IL18RAP: variants seen among roughly 807,000 people sequenced by gnomAD.
IL18RAP encodes the protein interleukin 18 receptor accessory protein.
IL18RAP carries 37 observed loss-of-function variants against 58.1 expected under a neutral mutation model. The observed-to-expected ratio is 0.64, with a 90% confidence interval of 0.49 to 0.84. The LOEUF (loss-of-function observed/expected upper bound fraction) is 0.84, where lower values mean the gene tolerates loss of function less well. Ranked by LOEUF, IL18RAP falls within the 40% of genes least tolerant of loss-of-function variation. IL18RAP has a pLI of 0.00. For missense variants in IL18RAP, 667 were observed against 704.8 expected (o/e 0.95, Z 0.61); for synonymous variants, 268 against 257.5 (o/e 1.04, Z -0.39).
At chr2:102,431,616 C>A (rs114763561) in intron 3 of IL18RAP, among the ~76,000 whole-genome samples, 1 of 151,798 alleles carries the variant, frequency 6.6e-6, no homozygotes, top group Admixed American at 6.6e-5. Context: ...GCTCCTCTGA[C>A]TAGATAATTT....
intron 5 of IL18RAP, among the ~76,000 whole-genome samples, chr2:102,442,404 A>C (rs990218497): frequency 6.6e-6 from 1 of 152,194 alleles, no homozygotes; most frequent in Admixed American, 6.5e-5. Context: ...ACTAGATGGC[A>C]GGAGTGGTGT....
chr2:102,424,249 C>T lies in IL18RAP; in HGVS notation c.414C>T (p.Ala138=), dbSNP rs769924803. 4 of 1,613,920 alleles carry T rather than the reference C, an allele frequency of 2.5e-6. No individual in the cohort carries two copies. The Admixed American group carries it at 6.7e-5, about 27-fold the overall frequency. The change falls in exon 3 of 10, where the codon GCC becomes GCT. Residue 138 remains alanine (A), a synonymous_variant. Transcript: ENST00000687160. The part of the protein sequence containing the change: ...PKMIKSPYDV[A]CCVKMILEVK... ...TTCCTAGGAGCCCCTATGATGTAGC[C>T]TGTTGTGTCAAGATGATTTTAGAAG...
intron 6 of IL18RAP, among the ~76,000 whole-genome samples, chr2:102,443,816 G>A (rs1683253980): frequency 1.3e-5 from 2 of 152,202 alleles, no homozygotes; most frequent in African/African-American, 4.8e-5. Flanking sequence ...AGGCTCAGAG[G>A]AGGGCTCTCT....
Position 102,450,975 on chromosome 2 carries a change from T to A in IL18RAP, c.1338T>A (p.Tyr446Ter). The A allele has an allele frequency of 6.2e-7, 1 of 1,611,922 alleles. No homozygotes were observed. The highest frequency in any genetic ancestry group is 8.5e-7 in the Non-Finnish European group (1 of 1,179,130). ...SLFPDVLENK[Y>*]GYSLCLLERD... ...TTCCTGATGTTTTAGAAAACAAATA[T>A]GGATATAGCCTGTGTTTGCTTGAAA... Residue 446 changes from tyrosine (Y) to a stop codon, truncating the protein, a stop_gained, in exon 9 of 10, where the codon TAT (tyrosine) becomes TAA (stop). Coordinates refer to ENST00000687160, the MANE Select transcript of IL18RAP (RefSeq NM_001393487.1). LOFTEE classifies it low-confidence loss of function (END_TRUNC).
chr2:102,423,413 C>T, intron 1 of IL18RAP, 66 bp downstream of exon 1: 2 of 1,261,238 alleles, frequency 1.6e-6, no homozygotes, highest in Admixed American at 1.7e-5. Flanking sequence ...GATGGATAAC[C>T]TGATATATCA....
chr2:102,442,648 T>G (rs1683174271), intron 5 of IL18RAP, among the ~76,000 whole-genome samples: 1 of 152,218 alleles, frequency 6.6e-6, no homozygotes, highest in Non-Finnish European at 1.5e-5. Flanking sequence ...TATGTGAATA[T>G]TCCTCATGGA....
intron 3 of IL18RAP, among the ~76,000 whole-genome samples, chr2:102,429,736 G>C (rs572133794): frequency 6.6e-6 from 1 of 151,916 alleles, no homozygotes; most frequent in East Asian, 1.9e-4. Flanking sequence ...GACTGCTTTC[G>C]CTGCATCCCA....
At chr2:102,441,642 C>T (rs1355255442) in intron 5 of IL18RAP, among the ~76,000 whole-genome samples, 1 of 152,148 alleles carries the variant, frequency 6.6e-6, no homozygotes, top group Non-Finnish European at 1.5e-5. Context: ...AATCCCAGCA[C>T]TTTGGGAGGC....
At chr2:102,434,603 T>C (rs1013323551) in intron 3 of IL18RAP, 1 of 152,208 alleles carries the variant, frequency 6.6e-6, no homozygotes, top group African/African-American at 2.4e-5. Context: ...TCCAGTTTGA[T>C]CCTTCTAGTT....
chr2:102,432,159 G>A (rs1459541952), intron 3 of IL18RAP: 1 of 152,140 alleles, frequency 6.6e-6, no homozygotes, highest in East Asian at 1.9e-4. Context: ...AGACTTTGGT[G>A]TTGAGTTCTC....
intron 3 of IL18RAP, among the ~76,000 whole-genome samples, chr2:102,436,464 C>G (rs1682744936): frequency 6.6e-6 from 1 of 152,178 alleles, no homozygotes; most frequent in African/African-American, 2.4e-5. Flanking sequence ...ACTTCTCTGG[C>G]CACTCTGCCC....
intron 3 of IL18RAP, among the ~76,000 whole-genome samples, chr2:102,429,756 G>C (rs1682213815): frequency 6.6e-6 from 1 of 152,004 alleles, no homozygotes; most frequent in African/African-American, 2.4e-5. Flanking sequence ...ACATGTTTTA[G>C]TACACTGTGT....
chr2:102,431,041 A>AT (rs1682315523), intron 3 of IL18RAP, among the ~76,000 whole-genome samples: 1 of 152,098 alleles, frequency 6.6e-6, no homozygotes, highest in Non-Finnish European at 1.5e-5. Context: ...TTACTTTCAT[A>AT]TTTTTTGTTA....
intron 3 of IL18RAP, chr2:102,434,698 C>T (rs1682619787): frequency 1.3e-5 from 2 of 152,202 alleles, no homozygotes; most frequent in African/African-American, 4.8e-5. Context: ...GATCATTCAG[C>T]TCACAATGTA....
At chr2:102,447,706 TTATG>T (rs142110985) in intron 8 of IL18RAP, among the ~76,000 whole-genome samples, 9 of 149,340 alleles carry the variant, frequency 6.0e-5, no homozygotes, top group Non-Finnish European at 1.0e-4. Context: ...ATTCATTCAT[TTATG>T]TATGTATGTA....
rs199747983 is a variant in IL18RAP, at chr2:102,423,360, A to T, written c.70+13A>T. The T allele has an allele frequency of 6.2e-7, 1 of 1,609,402 alleles. No homozygotes were observed. The highest frequency in any genetic ancestry group is 1.3e-5 in the African/African-American group (1 of 74,932). ...TTTAATATTTCAGGTAGGGGTTTTC[A>T]CTTTTCATGTTAGCACTGTGAGTCT... On this transcript the variant is annotated intron_variant, in intron 1 of 9. Transcript: ENST00000687160.
intron 1 of IL18RAP, among the ~76,000 whole-genome samples, chr2:102,423,597 T>C (rs762962279): frequency 6.6e-6 from 1 of 152,250 alleles, no homozygotes; most frequent in South Asian, 2.1e-4. Context: ...AGTTCTACCA[T>C]CTTTTCCAGG....
At chr2:102,436,257 G>A (rs552974992) in intron 3 of IL18RAP, among the ~76,000 whole-genome samples, 1 of 152,066 alleles carries the variant, frequency 6.6e-6, no homozygotes, top group Non-Finnish European at 1.5e-5. Context: ...GTTCTCATGC[G>A]ATTTATGACA....
At chr2:102,442,640 T>A (rs1286714627) in intron 5 of IL18RAP, among the ~76,000 whole-genome samples, 1 of 152,214 alleles carries the variant, frequency 6.6e-6, no homozygotes. Flanking sequence ...GCAGAGCATA[T>A]GTGAATATTC....
Sources: allele counts gnomAD v4.1 joint callset (sites outside exome capture counted in the v4.1 genomes callset), GRCh38; gene constraint gnomAD v4.1.1; transcripts MANE v1.5; gene names NCBI Gene and HGNC (gene_info 2026-07-23, HGNC 2026-07-21).